Variants in FAM153A observed in about 807,000 individuals in gnomAD.
The protein encoded by FAM153A is protein FAM153A.
FAM153A carries 12 observed loss-of-function variants against 48.1 expected under a neutral mutation model. That is an observed-to-expected ratio of 0.25 (90% CI 0.16 to 0.40). FAM153A has a LOEUF of 0.40. Among genes scored for constraint, FAM153A ranks in the 10% least tolerant of loss-of-function variants. FAM153A has a pLI of 1.00. For synonymous variants in FAM153A, 36 were observed against 118.2 expected (o/e 0.30, Z 4.51); for missense variants, 111 against 345.8 (o/e 0.32, Z 5.38).
chr5:177,754,730 C>T (rs868269274), upstream of FAM153A, among the ~76,000 whole-genome samples: 98 of 151,930 alleles, frequency 6.5e-4, 4 homozygotes, highest in African/African-American at 2.1e-3. Context: ...AAACAAGGTC[C>T]GGAGTGGACC....
exon 27 of FAM153A, chr5:177,711,396 A>G (rs1339346519): frequency 1.3e-5 from 2 of 152,000 alleles, no homozygotes; most frequent in Non-Finnish European, 2.9e-5. Flanking sequence ...AAGGAAGCAA[A>G]CCTCATTTTC....
At chr5:177,764,732 T>A (rs953892543) in intron 1 of FAM153A, among the ~76,000 whole-genome samples, 1 of 151,956 alleles carries the variant, frequency 6.6e-6, no homozygotes, top group Non-Finnish European at 1.5e-5. Context: ...GAGGAACAAC[T>A]AGGCTCAGCC....
At chr5:177,759,083 A>G (rs1259977622) in intron 1 of FAM153A, among the ~76,000 whole-genome samples, 1 of 151,812 alleles carries the variant, frequency 6.6e-6, no homozygotes, top group African/African-American at 2.4e-5. Flanking sequence ...TCACCTGATA[A>G]AGGGCTAATA....
chr5:177,702,152 C>A, the FAM153A span, among the ~76,000 whole-genome samples: 10 of 151,858 alleles, frequency 6.6e-5, 2 homozygotes, highest in African/African-American at 2.4e-4. Context: ...TCGTGATCCA[C>A]CTGCCTCGGC....
intron 4 of FAM153A, among the ~76,000 whole-genome samples, chr5:177,746,590 TCCTA>T (rs1171821550): frequency 3.3e-5 from 5 of 151,306 alleles, no homozygotes; most frequent in African/African-American, 1.2e-4. Flanking sequence ...TACTCAATTA[TCCTA>T]CCATTTAAAG....
At chr5:177,709,257 CTT>C (rs59687881), downstream of FAM153A, among the ~76,000 whole-genome samples, 1,577 of 116,330 alleles carry the variant, frequency 0.014, 10 homozygotes, top group African/African-American at 0.021. Flanking sequence ...AAAAAGGAAT[CTT>C]TTTTTTTTTT....
downstream of FAM153A, among the ~76,000 whole-genome samples, chr5:177,705,658 CTTTTTTTTTTTTT>C (rs70994931): frequency 2.5e-5 from 2 of 79,822 alleles, no homozygotes; most frequent in African/African-American, 8.1e-5. Context: ...TTTTCTTTTT[CTTTTTTTTTTTTT>C]TTTTTTTGAG....
chr5:177,701,809 A>G, the FAM153A span, among the ~76,000 whole-genome samples: 2 of 151,854 alleles, frequency 1.3e-5, no homozygotes, highest in Non-Finnish European at 2.9e-5. Context: ...GACTGGTTGA[A>G]TGGTTAGATC....
chr5:177,734,773 A>G (rs1433351193), intron 13 of FAM153A, 90 bp downstream of exon 15: 1 of 1,610,294 alleles, frequency 6.2e-7, no homozygotes, highest in African/African-American at 1.4e-5. Context: ...TAAGATATAT[A>G]TCTTCAGATT....
At chr5:177,754,452 C>T (rs1446688355), upstream of FAM153A, among the ~76,000 whole-genome samples, 1 of 151,848 alleles carries the variant, frequency 6.6e-6, no homozygotes, top group South Asian at 2.1e-4. Flanking sequence ...CCTCTGCAGA[C>T]TTAAATGTCC....
chr5:177,704,519 C>T (rs914985034), downstream of FAM153A, among the ~76,000 whole-genome samples: 2 of 114,350 alleles, frequency 1.7e-5, no homozygotes, highest in African/African-American at 4.0e-5. Flanking sequence ...ACCATGGAGG[C>T]GGTTTCTCTG....
Position 177,771,998 on chromosome 5 carries a change from C to T in FAM153A, c.-57+8451G>A, listed in dbSNP as rs1302618263. The stretch of plus-strand genomic sequence containing the variant: ...TCTTTCATTGTAATCAATTAAAGAT[C>T]TGAATATGATTATTTGCTGAATCCT... On this transcript the variant is annotated intron_variant, in intron 1 of 8. Coordinates refer to the FAM153A transcript ENST00000393518. Among the ~76,000 whole-genome samples the T allele has an allele frequency of 9.2e-5, 9 of 97,362 alleles. 4 individuals carry two copies. Among genetic ancestry groups the T allele is most frequent in the Non-Finnish European group, 1.9e-4 (9 of 47,036 alleles). 63.9% of individuals were successfully genotyped at this position (97,362 alleles called of 152,430 possible).
downstream of FAM153A, among the ~76,000 whole-genome samples, chr5:177,708,686 C>T (rs1050560505): frequency 9.9e-5 from 15 of 152,030 alleles, no homozygotes; most frequent in African/African-American, 3.6e-4. Context: ...TCATATAAGT[C>T]TGATCTTTTT....
chr5:177,713,462 T>C (rs1758892920), intron 26 of FAM153A, among the ~76,000 whole-genome samples: 1 of 151,602 alleles, frequency 6.6e-6, no homozygotes, highest in Non-Finnish European at 1.5e-5. Flanking sequence ...TTTCACCGTG[T>C]TAGCCAGGAC....
chr5:177,773,002 G>A lies in FAM153A; in HGVS notation c.-57+7447C>T, dbSNP rs1490262968. On this transcript the variant is annotated intron_variant, in intron 1 of 8. Coordinates refer to the FAM153A transcript ENST00000393518. The stretch of plus-strand genomic sequence containing the variant: ...AGGCACCCCCCAGCAGGGGCACACT[G>A]ACACCTCACAAGGCAGGGTATTCCA... Among the ~76,000 whole-genome samples, 4 of 43,782 alleles carry A rather than the reference G, an allele frequency of 9.1e-5. 1 individual carries two copies. The highest frequency in any genetic ancestry group is 3.0e-4 in the Admixed American group (1 of 3,290). 28.7% of individuals were successfully genotyped at this position (43,782 alleles called of 152,430 possible). A position where few individuals can be genotyped will look rare whatever the true frequency, so the allele number is the denominator to read the frequency against.
At chr5:177,706,044 G>C (rs1757855602), downstream of FAM153A, among the ~76,000 whole-genome samples, 1 of 151,836 alleles carries the variant, frequency 6.6e-6, no homozygotes, top group South Asian at 2.1e-4. Context: ...TAATATGTCA[G>C]TGTTTCCCAA....
At chr5:177,753,277 A>C, upstream of FAM153A, 2 of 1,401,824 alleles carry the variant, frequency 1.4e-6, no homozygotes, top group Non-Finnish European at 2.0e-6. Context: ...AGTTAAAATG[A>C]AAGGCAAGAC....
chr5:177,716,963 T>TTGTGTGTGTGTG (rs1561866290), intron 24 of FAM153A, among the ~76,000 whole-genome samples: 17 of 56,390 alleles, frequency 3.0e-4, no homozygotes, highest in African/African-American at 1.1e-3. Context: ...CATTCCCGCT[T>TTGTGTGTGTGTG]AGTGTGTGTG....
At chr5:177,709,486 C>T (rs1456493170), downstream of FAM153A, among the ~76,000 whole-genome samples, 18 of 149,498 alleles carry the variant, frequency 1.2e-4, no homozygotes, top group Admixed American at 1.0e-3. Flanking sequence ...CTCAGCCTCC[C>T]GAATAGCTGG....
Sources: allele counts gnomAD v4.1 joint callset (sites outside exome capture counted in the v4.1 genomes callset), GRCh38; gene constraint gnomAD v4.1.1; transcripts MANE v1.5; gene names NCBI Gene and HGNC (gene_info 2026-07-23, HGNC 2026-07-21).